Variants in MICOS10 observed in about 807,000 individuals in gnomAD.
MICOS10 encodes mitochondrial contact site and cristae organizing system subunit 10, also known as MICOS complex subunit MIC10.
In MICOS10, 5 loss-of-function variants were observed where a neutral mutation model predicts 13.4. The ratio of observed to expected loss-of-function variants is 0.37; its 90% CI spans 0.20 to 0.78. The LOEUF is 0.78. Ranked by LOEUF, MICOS10 falls within the 30% of genes least tolerant of loss-of-function variation. The probability of loss-of-function intolerance (pLI) is 0.47; values close to 1 mark genes in which losing one functional copy is unlikely to be tolerated. For synonymous variants in MICOS10, 35 were observed against 33.6 expected (o/e 1.04, Z -0.15); for missense variants, 101 against 94.6 (o/e 1.07, Z -0.28).
At chr1:19,617,023 CTAAT>C (rs1213896664) in intron 1 of MICOS10, among the ~76,000 whole-genome samples, 2 of 152,078 alleles carry the variant, frequency 1.3e-5, no homozygotes, top group African/African-American at 4.8e-5. Flanking sequence ...TGTGCATTAA[CTAAT>C]TATATTTTGG....
chr1:19,621,964 A>G, intron 1 of MICOS10, 136 bp from the exon 2 acceptor site: 1 of 684,040 alleles, frequency 1.5e-6, no homozygotes, highest in Non-Finnish European at 2.5e-6. Flanking sequence ...AAAGACGGTT[A>G]GAAATTAGAA....
intron 1 of MICOS10, among the ~76,000 whole-genome samples, chr1:19,607,702 G>C (rs1335075620): frequency 6.6e-6 from 1 of 152,144 alleles, no homozygotes; most frequent in Non-Finnish European, 1.5e-5. Flanking sequence ...AGCTCTCAAA[G>C]AAATTTATAG....
At position 19,623,530 on chromosome 1, in the gene MICOS10, A is replaced by G; in HGVS notation, c.169A>G (p.Asn57Asp). ...CATGGGATTAGGAATGGCTTATTCC[A>G]ACTGTCAGCATGATTTCCAGGCTCC... ...SGMGLGMAYS[N>D]CQHDFQAPYL... is the part of the protein sequence containing the mutation. The change falls in exon 3 of 4, where the codon AAC becomes GAC. Residue 57 changes from asparagine to aspartate, a missense_variant. Transcript: ENST00000322753. 1.2e-6 allele frequency: 2 copies of G among 1,613,630 alleles called. No individual in the cohort carries two copies. Among genetic ancestry groups the G allele is most frequent in the South Asian group, 2.2e-5 (2 of 91,068 alleles).
At chr1:19,616,063 C>T (rs932414190) in intron 1 of MICOS10, among the ~76,000 whole-genome samples, 7 of 152,024 alleles carry the variant, frequency 4.6e-5, no homozygotes, top group African/African-American at 1.7e-4. Context: ...GGACTACAGG[C>T]GCGTGCCACC....
At chr1:19,608,538 G>C in intron 1 of MICOS10, 1 of 988,612 alleles carries the variant, frequency 1.0e-6, no homozygotes, top group Non-Finnish European at 1.6e-6. Flanking sequence ...AGCACTCTCA[G>C]GAAGGGGGTC....
At chr1:19,604,280 G>C (rs1200034044) in intron 1 of MICOS10, among the ~76,000 whole-genome samples, 1 of 152,174 alleles carries the variant, frequency 6.6e-6, no homozygotes, top group African/African-American at 2.4e-5. Context: ...GCTGAGGTGG[G>C]TGGATCGCTT....
chr1:19,616,074 G>A (rs892920758), intron 1 of MICOS10, among the ~76,000 whole-genome samples: 2 of 151,908 alleles, frequency 1.3e-5, no homozygotes, highest in Non-Finnish European at 2.9e-5. Flanking sequence ...GCGTGCCACC[G>A]CCCAGCTAAT....
intron 1 of MICOS10, among the ~76,000 whole-genome samples, chr1:19,617,620 T>C (rs996177509): frequency 6.6e-6 from 1 of 152,226 alleles, no homozygotes; most frequent in African/African-American, 2.4e-5. Context: ...GAATGTGTCT[T>C]GGAAATGTAA....
In MICOS10 at chr1:19,623,593, G is replaced by A; in HGVS notation, c.222+10G>A. 6.5e-7 allele frequency: 1 copy of A among 1,540,624 alleles called. No individual in the cohort carries two copies. The highest frequency in any genetic ancestry group is 9.0e-7 in the Non-Finnish European group (1 of 1,116,584). On this transcript the variant is annotated intron_variant, in intron 3 of 3. Transcript: ENST00000322753. ...TGGAAAATATGTCAAAGTATGTACA[G>A]AATATATATTTCTCTTTCCTTCAGA...
At chr1:19,611,490 T>TA in intron 1 of MICOS10, among the ~76,000 whole-genome samples, 1 of 148,456 alleles carries the variant, frequency 6.7e-6, no homozygotes, top group African/African-American at 2.5e-5. Context: ...TTTTTTTTTT[T>TA]TGAGACAGGG....
chr1:19,612,697 T>G (rs993054522), intron 1 of MICOS10, among the ~76,000 whole-genome samples: 37 of 152,280 alleles, frequency 2.4e-4, no homozygotes, highest in African/African-American at 8.4e-4. Context: ...CACTCCAGCC[T>G]GGGCCACACA....
intron 1 of MICOS10, among the ~76,000 whole-genome samples, chr1:19,612,734 G>C (rs188311084): frequency 3.3e-5 from 5 of 152,202 alleles, no homozygotes; most frequent in Middle Eastern, 6.8e-3. Context: ...ATGTCAGCTG[G>C]GTGGTGCTTC....
Position 19,613,373 on chromosome 1 carries a change from A to G in MICOS10, c.65-8727A>G, listed in dbSNP as rs72959459. ...CCTTATTGCTTACAGGGTAGAGGCC[A>G]CGATCCTTAGCATGGATGGCATAAA... On this transcript the variant is annotated intron_variant, in intron 1 of 3. Transcript: ENST00000322753. Among the ~76,000 whole-genome samples, 1,143 of 152,344 alleles carry G rather than the reference A, an allele frequency of 7.5e-3. 12 individuals are homozygous for G. Among genetic ancestry groups the G allele is most frequent in the African/African-American group, 0.026 (1,090 of 41,564 alleles).
chr1:19,615,989 G>A (rs1180309781), intron 1 of MICOS10, among the ~76,000 whole-genome samples: 1 of 151,706 alleles, frequency 6.6e-6, no homozygotes, highest in Non-Finnish European at 1.5e-5. Context: ...CGTGATCTTC[G>A]TTTACTGCAA....
At chr1:19,600,929 G>A (rs896600993) in intron 1 of MICOS10, 1 of 1,289,236 alleles carries the variant, frequency 7.8e-7, no homozygotes, top group African/African-American at 1.5e-5. Flanking sequence ...CTCTGGCTTG[G>A]CAAAGACTGA....
chr1:19,621,243 T>C (rs1390683660), intron 1 of MICOS10, among the ~76,000 whole-genome samples: 1 of 152,236 alleles, frequency 6.6e-6, no homozygotes, highest in African/African-American at 2.4e-5. Context: ...GGTCAACTTC[T>C]TGTGTCTGTG....
intron 1 of MICOS10, among the ~76,000 whole-genome samples, chr1:19,619,180 A>G (rs1333046456): frequency 6.6e-6 from 1 of 152,170 alleles, no homozygotes; most frequent in African/African-American, 2.4e-5. Context: ...TCCATAGGCA[A>G]TTGGAACTTT....
chr1:19,597,149 A>T, intron 1 of MICOS10, 40 bp downstream of exon 1: 2 of 1,575,662 alleles, frequency 1.3e-6, no homozygotes, highest in Middle Eastern at 1.8e-4. Flanking sequence ...GCCGGTGCAG[A>T]GCTGCTGGCT....
At chr1:19,619,782 T>G (rs1484360434) in intron 1 of MICOS10, among the ~76,000 whole-genome samples, 1 of 152,226 alleles carries the variant, frequency 6.6e-6, no homozygotes, top group Admixed American at 6.5e-5. Flanking sequence ...TAATTTCATT[T>G]TAGAGGAGTA....
Sources: allele counts gnomAD v4.1 joint callset (sites outside exome capture counted in the v4.1 genomes callset), GRCh38; gene constraint gnomAD v4.1.1; transcripts MANE v1.5; gene names NCBI Gene and HGNC (gene_info 2026-07-23, HGNC 2026-07-21).